CFAP46: variants seen among roughly 807,000 people sequenced by gnomAD.
CFAP46 encodes cilia and flagella associated protein 46, also known as cilia- and flagella-associated protein 46.
In CFAP46, 245 loss-of-function variants were observed where a neutral mutation model predicts 325.7. The observed-to-expected ratio is 0.75, with a 90% CI of 0.68 to 0.84. The LOEUF is 0.84. CFAP46 is among the 40% of genes least tolerant of loss of function. The pLI, the probability that CFAP46 is intolerant of heterozygous loss-of-function variation, is 0.00. For missense variants in CFAP46, 3,346 were observed against 3,543.0 expected, an observed-to-expected ratio of 0.94 and a Z score of 1.41; for synonymous variants, 1,523 against 1,495.9, an observed-to-expected ratio of 1.02 and a Z score of -0.42.
chr10:132,935,834 C>T (rs1200954112), intron 7 of CFAP46, among the ~76,000 whole-genome samples: 14 of 114,156 alleles, frequency 1.2e-4, no homozygotes, highest in East Asian at 2.9e-4. Flanking sequence ...CCCCTCGGCA[C>T]CCAAACACAC....
At chr10:132,907,317 T>C (rs1256342858) in intron 22 of CFAP46, among the ~76,000 whole-genome samples, 1 of 152,220 alleles carries the variant, frequency 6.6e-6, no homozygotes, top group Non-Finnish European at 1.5e-5. Context: ...GAAAACAGCC[T>C]CATATTCAAA....
chr10:132,888,354 T>C (rs1343599662), intron 25 of CFAP46, among the ~76,000 whole-genome samples: 1 of 74,926 alleles, frequency 1.3e-5, no homozygotes, highest in Non-Finnish European at 2.5e-5. Context: ...CCTTCACCCC[T>C]GCCGCCTGCA....
intron 44 of CFAP46, among the ~76,000 whole-genome samples, chr10:132,837,397 A>G (rs1848270149): frequency 6.6e-6 from 1 of 152,128 alleles, no homozygotes; most frequent in Admixed American, 6.5e-5. Flanking sequence ...GCACGTGTAC[A>G]TGGACCCAGA....
chr10:132,820,514 GTGC>G (rs1182707600), intron 50 of CFAP46, among the ~76,000 whole-genome samples: 1 of 148,552 alleles, frequency 6.7e-6, no homozygotes, highest in Non-Finnish European at 1.5e-5. Flanking sequence ...TGTGCTGTGA[GTGC>G]TGATGTGTGC....
intron 22 of CFAP46, among the ~76,000 whole-genome samples, chr10:132,907,929 C>T (rs1849479902): frequency 6.6e-6 from 1 of 152,246 alleles, no homozygotes; most frequent in African/African-American, 2.4e-5. Context: ...ATGGCACTTC[C>T]AGCCTCCGGA....
Position 132,941,604 on chromosome 10 carries a change from G to T in CFAP46, c.293C>A (p.Ser98Ter). 1 of 1,612,950 alleles carries T rather than the reference G, an allele frequency of 6.2e-7. No homozygotes were observed. The highest frequency in any genetic ancestry group is 1.1e-5 in the South Asian group (1 of 90,944). ...GACGCCTCTCACCAGGTTTTCTGCCGACTTCGGGGCACACATCTGGGCCCT... is the reference window on the plus strand; with the variant it reads ...GACGCCTCTCACCAGGTTTTCTGCCTACTTCGGGGCACACATCTGGGCCCT... ...LCRAQMCAPKSAENLEEFENC... is the reference protein window; with the variant it reads ...LCRAQMCAPK The change falls in exon 3 of 58, where the codon TCG becomes TAG. Residue 98 changes from serine to a stop codon, truncating the protein, a stop_gained. Transcript: ENST00000368586. LOFTEE classifies it high-confidence loss of function.
At chr10:132,821,201 G>A (rs1847809110) in intron 50 of CFAP46, among the ~76,000 whole-genome samples, 1 of 124,658 alleles carries the variant, frequency 8.0e-6, no homozygotes, top group South Asian at 2.8e-4. Context: ...CTGTGTGAGT[G>A]CTGATGTGTG....
At chr10:132,929,317 A>G (rs529101889) in intron 9 of CFAP46, 12 of 606,700 alleles carry the variant, frequency 2.0e-5, no homozygotes, top group Admixed American at 2.9e-5. Flanking sequence ...AGCTGTCTGC[A>G]GGTAACAAAC....
intron 7 of CFAP46, among the ~76,000 whole-genome samples, chr10:132,935,829 C>T (rs536114641): frequency 8.9e-6 from 1 of 112,022 alleles, no homozygotes; most frequent in Non-Finnish European, 1.9e-5. Flanking sequence ...TCACTCCCCT[C>T]GGCACCCAAA....
At chr10:132,920,272 C>T (rs576959780) in intron 13 of CFAP46, 90 bp from the exon 14 acceptor site, 90 of 1,402,142 alleles carry the variant, frequency 6.4e-5, no homozygotes, top group Middle Eastern at 2.6e-4. Context: ...GCGCCGGCGC[C>T]GGGGTGGCCA....
intron 18 of CFAP46, 90 bp downstream of exon 18, chr10:132,912,956 G>A: frequency 1.3e-6 from 2 of 1,491,394 alleles, no homozygotes; most frequent in Non-Finnish European, 1.8e-6. Context: ...GGACACAGAG[G>A]GCCATGGAGT....
chr10:132,863,849 CCTG>C (rs1225479129), intron 35 of CFAP46, among the ~76,000 whole-genome samples: 8 of 144,546 alleles, frequency 5.5e-5, no homozygotes, highest in Non-Finnish European at 7.6e-5. Flanking sequence ...CACACCTGTC[CCTG>C]CTATCAGAGA....
chr10:132,903,641 G>A (rs1227350837), intron 22 of CFAP46, among the ~76,000 whole-genome samples: 3 of 152,206 alleles, frequency 2.0e-5, no homozygotes, highest in Admixed American at 1.3e-4. Context: ...ATATTTTCAA[G>A]TTTTACAGTT....
At chr10:132,941,157 AC>A (rs1850094243) in intron 3 of CFAP46, 97 bp from the exon 4 acceptor site, 1 of 1,210,380 alleles carries the variant, frequency 8.3e-7, no homozygotes, top group Admixed American at 1.7e-5. Context: ...TTGGCCTGGT[AC>A]CCCCTGTGTG....
At chr10:132,812,752 C>T (rs7089876) in intron 55 of CFAP46, 33 bp downstream of exon 55, 80,543 of 1,536,522 alleles carry the variant, frequency 0.052, 2,594 homozygotes, top group Middle Eastern at 0.081. Context: ...CCTGTGCCCG[C>T]GGGGGAGGGG....
chr10:132,937,564 T>G lies in CFAP46; in HGVS notation c.648A>C (p.Ile216=), dbSNP rs772448520. The G allele has an allele frequency of 2.5e-6, 4 of 1,613,512 alleles. No individual in the cohort carries two copies. Among genetic ancestry groups the G allele is most frequent in the Non-Finnish European group, 3.4e-6 (4 of 1,180,006 alleles). The change falls in exon 6 of 58, where the codon ATA becomes ATC. Residue 216 remains isoleucine (I), a synonymous_variant. Transcript: ENST00000368586. ...TACGCTGATTTACCATAACAGAGAA[T>G]ATCTGCCGGTATTTCTGTGGCACGT... ...KSHVPQKYRQ[I]FSVMVRHELM... is the part of the protein sequence containing the mutation.
rs974288448 is a variant in CFAP46 at position 132,886,644 on chromosome 10, T to C, written c.3305-685A>G. Among the ~76,000 whole-genome samples the C allele has an allele frequency of 2.0e-5, 3 of 151,900 alleles. No individual in the cohort carries two copies. Among genetic ancestry groups the C allele is most frequent in the Non-Finnish European group, 2.9e-5 (2 of 67,954 alleles). The stretch of plus-strand genomic sequence containing the variant: ...CTTGAAGGGCCCTGAAGAGACGGGG[T>C]GAACACAGGGCCGCATCCCTCACAC... On this transcript the variant is annotated intron_variant, in intron 25 of 57. Transcript: ENST00000368586. This position sits in a 1 kb window ranked among gnomAD's most constrained non-coding sequence, Gnocchi z 5.8.
At position 132,895,241 on chromosome 10, in the gene CFAP46, G is replaced by T. The variant is rs182650687; in HGVS notation, c.3220-2824C>A. Among the ~76,000 whole-genome samples the T allele has an allele frequency of 4.6e-5, 7 of 152,260 alleles. No individual in the cohort carries two copies. In the East Asian group the frequency reaches 1.4e-3, roughly 29 times the overall value. ...CAACCGGCTCAATTGACAGAGAAAA[G>T]GCATTTGGCAAGACCCACACTATTT... On this transcript the variant is annotated intron_variant, in intron 24 of 57. Coordinates refer to ENST00000368586, the MANE Select transcript of CFAP46 (RefSeq NM_001200049.3).
chr10:132,894,591 A>G (rs192438778), intron 24 of CFAP46, among the ~76,000 whole-genome samples: 2 of 152,328 alleles, frequency 1.3e-5, no homozygotes, highest in East Asian at 3.9e-4. Context: ...TGACAAAAAA[A>G]AAAGAAAGAC....
Sources: gnomAD v4.1 joint callset for allele counts (sites outside exome capture counted in the v4.1 genomes callset) on GRCh38, gnomAD v4.1.1 for gene constraint, Gnocchi (gnomAD v3.1) non-coding constraint, MANE v1.5 for transcripts, NCBI Gene and HGNC (gene_info 2026-07-23, HGNC 2026-07-21) for gene names.